FILIP1L: variants seen among roughly 807,000 people sequenced by gnomAD.
FILIP1L encodes filamin A interacting protein 1 like, also known as filamin A-interacting protein 1-like.
In FILIP1L, 55 loss-of-function variants were observed where a neutral mutation model predicts 96.6. That is an observed-to-expected ratio of 0.57 (90% CI 0.46 to 0.71). The LOEUF is 0.71. Ranked by LOEUF, FILIP1L falls within the 30% of genes least tolerant of loss-of-function variation. The pLI, the probability that FILIP1L is intolerant of heterozygous loss-of-function variation, is 0.00. For missense variants in FILIP1L, 1,304 were observed against 1,321.2 expected (o/e 0.99, Z 0.20); for synonymous variants, 467 against 473.9 (o/e 0.99, Z 0.19).
intron 1 of FILIP1L, among the ~76,000 whole-genome samples, chr3:100,098,854 T>G (rs1015357957): frequency 3.9e-5 from 6 of 152,226 alleles, no homozygotes; most frequent in Admixed American, 2.6e-4. Flanking sequence ...TAGGAAAACA[T>G]TTTTAAAGAT....
chr3:99,892,738 A>C (rs1706124282), intron 4 of FILIP1L, among the ~76,000 whole-genome samples: 1 of 152,122 alleles, frequency 6.6e-6, no homozygotes, highest in African/African-American at 2.4e-5. Flanking sequence ...ACCCACCCTC[A>C]AAGGCTTGCC....
chr3:99,899,814 C>A (rs1333931663), intron 4 of FILIP1L, among the ~76,000 whole-genome samples: 1 of 152,088 alleles, frequency 6.6e-6, no homozygotes, highest in African/African-American at 2.4e-5. Context: ...TCTGTGCCAC[C>A]GTTTTCTCAT....
At chr3:100,095,183 C>A (rs1204953189) in intron 1 of FILIP1L, among the ~76,000 whole-genome samples, 1 of 152,162 alleles carries the variant, frequency 6.6e-6, no homozygotes, top group African/African-American at 2.4e-5. Context: ...CCCACTTTCT[C>A]TTCTTTTTCA....
intron 4 of FILIP1L, among the ~76,000 whole-genome samples, chr3:99,851,754 A>G (rs1943708866): frequency 6.6e-6 from 1 of 152,222 alleles, no homozygotes; most frequent in Non-Finnish European, 1.5e-5. Flanking sequence ...CTTAGAAGTT[A>G]TGCACTTCAC....
In FILIP1L at chr3:99,861,290, T is replaced by C. The variant is rs1944238752; in HGVS notation, c.606-10220A>G. On this transcript the variant is annotated intron_variant, in intron 4 of 5. Transcript: ENST00000477258. ...GATGTCCCCTTAATCCTCCAAAGCC[T>C]ACCTGGGCCTTCCACAGCCATGATG... Among the ~76,000 whole-genome samples, 4 of 152,310 alleles carry C rather than the reference T, an allele frequency of 2.6e-5. No individual in the cohort carries two copies. In the South Asian group the frequency reaches 8.3e-4, roughly 32 times the overall value.
At chr3:100,017,664 C>T (rs1235809797) in intron 1 of FILIP1L, among the ~76,000 whole-genome samples, 3 of 152,160 alleles carry the variant, frequency 2.0e-5, no homozygotes, top group Admixed American at 1.3e-4. Context: ...GTGGCATGCA[C>T]CTGTAGTCCC....
At chr3:99,912,196 C>T (rs935481113) in intron 4 of FILIP1L, among the ~76,000 whole-genome samples, 2 of 152,172 alleles carry the variant, frequency 1.3e-5, no homozygotes, top group African/African-American at 4.8e-5. Context: ...CATGTTACAA[C>T]ATGTCTGAAC....
At chr3:99,844,663 A>G (rs1355297001) in intron 5 of FILIP1L, among the ~76,000 whole-genome samples, 2 of 152,190 alleles carry the variant, frequency 1.3e-5, no homozygotes, top group Non-Finnish European at 2.9e-5. Context: ...TTCTATGACC[A>G]TCTCACAGCT....
chr3:100,005,922 C>T (rs1232770547), intron 1 of FILIP1L, among the ~76,000 whole-genome samples: 1 of 152,160 alleles, frequency 6.6e-6, no homozygotes, highest in Non-Finnish European at 1.5e-5. Flanking sequence ...CACAGACCAG[C>T]TGTGTCCCCA....
chr3:99,895,377 CTTT>C (rs35156845), intron 4 of FILIP1L, among the ~76,000 whole-genome samples: 3 of 128,088 alleles, frequency 2.3e-5, no homozygotes, highest in Non-Finnish European at 1.7e-5. Context: ...GTCAGCAGGA[CTTT>C]TTTTTTTTTT....
At chr3:99,958,254 A>G (rs1708396114) in intron 1 of FILIP1L, among the ~76,000 whole-genome samples, 1 of 144,614 alleles carries the variant, frequency 6.9e-6, no homozygotes, top group Admixed American at 7.0e-5. Context: ...TTATTATTTG[A>G]AGGTAACATG....
At chr3:99,873,701 C>T (rs1348561410) in intron 4 of FILIP1L, among the ~76,000 whole-genome samples, 5 of 152,072 alleles carry the variant, frequency 3.3e-5, no homozygotes, top group Non-Finnish European at 7.4e-5. Context: ...AACCCTTAAA[C>T]AAAATTTACA....
At chr3:99,874,171 T>G (rs1705386786) in intron 4 of FILIP1L, 1 of 152,216 alleles carries the variant, frequency 6.6e-6, no homozygotes, top group Admixed American at 6.5e-5. Context: ...AATCGATGCT[T>G]GCCTGCTTTA....
At chr3:100,057,652 A>G (rs1327863955) in intron 1 of FILIP1L, among the ~76,000 whole-genome samples, 1 of 152,180 alleles carries the variant, frequency 6.6e-6, no homozygotes, top group Non-Finnish European at 1.5e-5. Context: ...CTTTGGGATC[A>G]GGCCCCATAT....
intron 1 of FILIP1L, among the ~76,000 whole-genome samples, chr3:100,063,421 GTAT>G (rs969883686): frequency 2.0e-4 from 30 of 151,864 alleles, no homozygotes; most frequent in African/African-American, 7.3e-4. Context: ...TATTATTATA[GTAT>G]TATTATCTGA....
intron 1 of FILIP1L, among the ~76,000 whole-genome samples, chr3:100,113,538 A>G (rs1371076840): frequency 6.6e-6 from 1 of 152,188 alleles, no homozygotes; most frequent in Non-Finnish European, 1.5e-5. Context: ...AAAAGATACA[A>G]TATAGTTGCC....
At position 99,927,589 on chromosome 3, in the gene FILIP1L, G is replaced by T. The variant is rs143853297; in HGVS notation, c.426+2267C>A. On this transcript the variant is annotated intron_variant, in intron 3 of 5. Coordinates refer to ENST00000477258, the MANE Select transcript of FILIP1L (RefSeq NM_001387850.1). ...TCTTCATGTTGGTCAGGCTGGTCTC[G>T]AATTCCCGACCTCAGGTGATCTGCC... is the stretch of plus-strand genomic sequence containing the variant. Among the ~76,000 whole-genome samples the T allele has an allele frequency of 4.7e-3, 719 of 151,944 alleles. 6 individuals are homozygous for T. The highest frequency in any genetic ancestry group is 0.016 in the African/African-American group (676 of 41,452).
intron 1 of FILIP1L, among the ~76,000 whole-genome samples, chr3:100,050,335 C>G (rs2065348682): frequency 6.6e-6 from 1 of 152,034 alleles, no homozygotes; most frequent in African/African-American, 2.4e-5. Context: ...TGGGCAATAT[C>G]AGAGAAAGCC....
intron 1 of FILIP1L, among the ~76,000 whole-genome samples, chr3:100,051,749 C>T (rs904804883): frequency 4.0e-5 from 6 of 151,394 alleles, no homozygotes; most frequent in Admixed American, 1.3e-4. Context: ...TTAATCTAGT[C>T]GATCATTGTT....
Sources: gnomAD v4.1 joint callset for allele counts (sites outside exome capture counted in the v4.1 genomes callset) on GRCh38, gnomAD v4.1.1 for gene constraint, MANE v1.5 for transcripts, NCBI Gene and HGNC (gene_info 2026-07-23, HGNC 2026-07-21) for gene names.